SMAP2: variants seen among roughly 807,000 people sequenced by gnomAD.
The protein encoded by SMAP2 is stromal membrane-associated protein 2.
SMAP2 carries 25 observed loss-of-function variants against 56.4 expected under a neutral mutation model. The observed-to-expected ratio is 0.44, with a 90% CI of 0.32 to 0.62. The LOEUF (loss-of-function observed/expected upper bound fraction) is 0.62, where lower values mean the gene tolerates loss of function less well. SMAP2 is among the 20% of genes least tolerant of loss of function. The pLI, the probability that SMAP2 is intolerant of heterozygous loss-of-function variation, is 0.04. For synonymous variants in SMAP2, 157 were observed against 181.7 expected (o/e 0.86, Z 1.09); for missense variants, 388 against 545.6 (o/e 0.71, Z 2.88).
chr1:40,378,981 CTT>C (rs11353360), intron 1 of SMAP2, among the ~76,000 whole-genome samples: 92 of 134,904 alleles, frequency 6.8e-4, no homozygotes, highest in Non-Finnish European at 8.6e-4. Context: ...CTTTTCTTTT[CTT>C]TTTTTTTTTT....
chr1:40,389,209 T>G (rs745786829), intron 1 of SMAP2, among the ~76,000 whole-genome samples: 2 of 152,344 alleles, frequency 1.3e-5, no homozygotes, highest in South Asian at 4.1e-4. Context: ...TAGCATCTTA[T>G]GTTGTTCATA....
At chr1:40,353,937 G>T (rs1644421518) in intron 1 of SMAP2, among the ~76,000 whole-genome samples, 3 of 151,992 alleles carry the variant, frequency 2.0e-5, no homozygotes, top group South Asian at 2.1e-4. Flanking sequence ...GATGCTGCTT[G>T]TCTGGGGACC....
intron 1 of SMAP2, among the ~76,000 whole-genome samples, chr1:40,355,434 G>T (rs1644431144): frequency 6.6e-6 from 1 of 152,084 alleles, no homozygotes; most frequent in Non-Finnish European, 1.5e-5. Context: ...TACATAGTAG[G>T]TGTATGTACT....
intron 1 of SMAP2, among the ~76,000 whole-genome samples, chr1:40,404,656 G>T (rs1644868698): frequency 6.6e-6 from 1 of 152,186 alleles, no homozygotes; most frequent in African/African-American, 2.4e-5. Flanking sequence ...ATGAGTTCTA[G>T]ACTCTGGAAT....
upstream of SMAP2, among the ~76,000 whole-genome samples, chr1:40,371,930 T>A (rs924499935): frequency 1.4e-4 from 22 of 152,184 alleles, no homozygotes; most frequent in African/African-American, 5.3e-4. Context: ...AGTAACCTGC[T>A]CAAAGTCACA....
intron 1 of SMAP2, among the ~76,000 whole-genome samples, chr1:40,358,282 C>T (rs1170829662): frequency 6.6e-6 from 1 of 152,068 alleles, no homozygotes; most frequent in Non-Finnish European, 1.5e-5. Context: ...GTGGCTCACA[C>T]CTGTAATCCC....
intron 1 of SMAP2, among the ~76,000 whole-genome samples, chr1:40,358,283 C>A (rs112419602): frequency 0.065 from 9,962 of 152,190 alleles, 1,111 homozygotes; most frequent in African/African-American, 0.23. Context: ...TGGCTCACAC[C>A]TGTAATCCCA....
At chr1:40,402,244 G>A (rs1293986273) in intron 1 of SMAP2, among the ~76,000 whole-genome samples, 1 of 152,138 alleles carries the variant, frequency 6.6e-6, no homozygotes, top group Non-Finnish European at 1.5e-5. Context: ...GGGTACAAGT[G>A]ATATTTTGAT....
At chr1:40,381,336 A>T (rs1033029354) in intron 1 of SMAP2, among the ~76,000 whole-genome samples, 1 of 152,248 alleles carries the variant, frequency 6.6e-6, no homozygotes, top group African/African-American at 2.4e-5. Flanking sequence ...TAAATGATGC[A>T]ATACAGAAAT....
chr1:40,372,471 T>C (rs942267353), upstream of SMAP2, among the ~76,000 whole-genome samples: 1 of 152,108 alleles, frequency 6.6e-6, no homozygotes, highest in Non-Finnish European at 1.5e-5. Flanking sequence ...CTATTTCAAC[T>C]GAAAAATGGT....
chr1:40,345,226 A>C (rs10889290), intron 1 of SMAP2, among the ~76,000 whole-genome samples: 6 of 151,694 alleles, frequency 4.0e-5, no homozygotes, highest in Non-Finnish European at 5.9e-5. Context: ...CAACATAGCA[A>C]GCTCCATCTC....
At position 40,380,654 on chromosome 1, in the gene SMAP2, C is replaced by T. The variant is rs747420671; in HGVS notation, c.103+6431C>T. Reference sequence around the variant, plus strand: ...AAGCCATTCTCCTGCCTCAGCCTCCCGAGTGGCTGGGATTAGAGACGCCTG... The same window carrying T: ...AAGCCATTCTCCTGCCTCAGCCTCCTGAGTGGCTGGGATTAGAGACGCCTG... On this transcript the variant is annotated intron_variant, in intron 1 of 9. Coordinates refer to ENST00000372718, the MANE Select transcript of SMAP2 (RefSeq NM_022733.3). Among the ~76,000 whole-genome samples the T allele has an allele frequency of 1.8e-4, 27 of 151,810 alleles. 1 individual carries two copies. Among genetic ancestry groups the T allele is most frequent in the East Asian group, 5.8e-4 (3 of 5,150 alleles).
chr1:40,360,312 T>G (rs1644454604), intron 1 of SMAP2, among the ~76,000 whole-genome samples: 1 of 145,712 alleles, frequency 6.9e-6, no homozygotes, highest in Non-Finnish European at 1.5e-5. Context: ...GAGCTTTTTT[T>G]TTTTTTTTTG....
chr1:40,394,743 C>T (rs151085188), intron 1 of SMAP2, among the ~76,000 whole-genome samples: 1 of 151,834 alleles, frequency 6.6e-6, no homozygotes, highest in Admixed American at 6.6e-5. Context: ...TTCTTTTTTA[C>T]GACGATGTAA....
intron 1 of SMAP2, among the ~76,000 whole-genome samples, chr1:40,399,205 T>C (rs2982505): frequency 0.89 from 135,912 of 152,026 alleles, 61,097 homozygotes; most frequent in African/African-American, 0.97. Flanking sequence ...AGTGCAGTGG[T>C]GGGATCTCGG....
At chr1:40,365,532 A>T (rs1644477961) in intron 2 of SMAP2, among the ~76,000 whole-genome samples, 1 of 152,186 alleles carries the variant, frequency 6.6e-6, no homozygotes, top group Admixed American at 6.5e-5. Context: ...ACATTCGGGG[A>T]GGAGCCAAGA....
intron 1 of SMAP2, among the ~76,000 whole-genome samples, chr1:40,401,804 GCA>G (rs1337565398): frequency 6.6e-6 from 1 of 152,184 alleles, no homozygotes; most frequent in Admixed American, 6.5e-5. Context: ...CAAAATACAT[GCA>G]ACAGGTCCGT....
At chr1:40,419,651 T>TG (rs749302138) in intron 9 of SMAP2, among the ~76,000 whole-genome samples, 9 of 152,300 alleles carry the variant, frequency 5.9e-5, no homozygotes, top group Middle Eastern at 3.4e-3. Flanking sequence ...TCTAATATGA[T>TG]GGAGTTGAGA....
intron 1 of SMAP2, among the ~76,000 whole-genome samples, chr1:40,352,195 A>G (rs1211074476): frequency 6.6e-6 from 1 of 152,190 alleles, no homozygotes; most frequent in Non-Finnish European, 1.5e-5. Context: ...GCCAAAGTCC[A>G]TCTGTGGACC....
Sources: allele counts gnomAD v4.1 joint callset (sites outside exome capture counted in the v4.1 genomes callset), GRCh38; gene constraint gnomAD v4.1.1; transcripts MANE v1.5; gene names NCBI Gene and HGNC (gene_info 2026-07-23, HGNC 2026-07-21).